Variants in IFT81 observed in about 807,000 individuals in gnomAD.
IFT81 encodes intraflagellar transport protein 81 homolog.
In IFT81, 72 loss-of-function variants were observed where a neutral mutation model predicts 102.6. That is an observed-to-expected ratio of 0.70 (90% confidence interval 0.58 to 0.85). IFT81 has a LOEUF of 0.85. Among genes scored for constraint, IFT81 ranks in the 40% least tolerant of loss-of-function variants. The pLI is 0.00. For missense variants in IFT81, 723 were observed against 787.3 expected, an observed-to-expected ratio of 0.92 and a Z score of 0.98; for synonymous variants, 237 against 242.7, an observed-to-expected ratio of 0.98 and a Z score of 0.22.
intron 11 of IFT81, among the ~76,000 whole-genome samples, chr12:110,175,874 T>C (rs907019245): frequency 2.0e-5 from 3 of 152,212 alleles, no homozygotes; most frequent in Non-Finnish European, 4.4e-5. Flanking sequence ...TTCTCTGGCA[T>C]TGAGAAATTT....
chr12:110,144,803 C>A (rs1346449629), intron 9 of IFT81, among the ~76,000 whole-genome samples: 2 of 150,898 alleles, frequency 1.3e-5, no homozygotes, highest in Non-Finnish European at 2.9e-5. Context: ...AGCCACTGTG[C>A]TTGGCCTGAT....
chr12:110,202,055 A>G (rs1898308962), intron 14 of IFT81, among the ~76,000 whole-genome samples: 1 of 152,250 alleles, frequency 6.6e-6, no homozygotes, highest in African/African-American at 2.4e-5. Context: ...GTTTATTATC[A>G]TCAAGTATTA....
intron 11 of IFT81, among the ~76,000 whole-genome samples, chr12:110,172,928 G>A (rs1200418978): frequency 5.1e-4 from 73 of 144,550 alleles, no homozygotes; most frequent in Middle Eastern, 7.4e-3. Flanking sequence ...CAGCCGCCCC[G>A]TCCGGGAGGG....
chr12:110,203,632 C>A, intron 14 of IFT81: 1 of 493,842 alleles, frequency 2.0e-6, no homozygotes, highest in South Asian at 2.1e-5. Flanking sequence ...TATTGTCTCC[C>A]CAGCTCCTAA....
intron 1 of IFT81, among the ~76,000 whole-genome samples, chr12:110,126,533 T>A (rs1399621058): frequency 6.6e-6 from 1 of 151,432 alleles, no homozygotes; most frequent in Middle Eastern, 3.2e-3. Flanking sequence ...AAAGGCAGAG[T>A]GATAGAAAAA....
chr12:110,201,016 G>T (rs1898239048), intron 14 of IFT81, among the ~76,000 whole-genome samples: 1 of 151,806 alleles, frequency 6.6e-6, no homozygotes, highest in African/African-American at 2.4e-5. Flanking sequence ...TGACTTTTTT[G>T]TAATAACAGC....
At chr12:110,134,862 T>G (rs529787913) in intron 5 of IFT81, 86 bp from the exon 6 acceptor site, 2 of 897,292 alleles carry the variant, frequency 2.2e-6, no homozygotes, top group Admixed American at 4.9e-5. Flanking sequence ...ATGAAAATGT[T>G]AGATGCATAA....
chr12:110,150,361 G>A (rs1420045356), intron 10 of IFT81, among the ~76,000 whole-genome samples: 1 of 152,088 alleles, frequency 6.6e-6, no homozygotes, highest in Non-Finnish European at 1.5e-5. Flanking sequence ...ACAGGTGTGA[G>A]CCACCGCACC....
Position 110,191,053 on chromosome 12 carries a change from T to A in IFT81, c.1467+5T>A. 1 of 1,592,608 alleles carries A rather than the reference T, an allele frequency of 6.3e-7. No individual in the cohort carries two copies. The highest frequency in any genetic ancestry group is 8.5e-7 in the Non-Finnish European group (1 of 1,173,416). On this transcript the variant is annotated splice_donor_5th_base_variant and intron_variant, in intron 13 of 18. Coordinates refer to ENST00000242591, the MANE Select transcript of IFT81 (RefSeq NM_014055.4). The stretch of plus-strand genomic sequence containing the variant: ...TTGGATGATATGTCTGAAATGGTGA[T>A]GATACTTTTATTTAAATTTTCTTTT...
intron 4 of IFT81, among the ~76,000 whole-genome samples, chr12:110,132,293 C>G (rs1454824530): frequency 1.3e-5 from 2 of 151,948 alleles, no homozygotes; most frequent in Non-Finnish European, 2.9e-5. Flanking sequence ...AACCCCGTCT[C>G]TACTAAAAAT....
At chr12:110,209,657 T>C (rs1869149454) in intron 18 of IFT81, among the ~76,000 whole-genome samples, 1 of 151,242 alleles carries the variant, frequency 6.6e-6, no homozygotes, top group Non-Finnish European at 1.5e-5. Context: ...TAATCCCAGC[T>C]ACTCTGGAGC....
chr12:110,139,394 G>A (rs1423462374), intron 8 of IFT81, among the ~76,000 whole-genome samples: 6 of 151,066 alleles, frequency 4.0e-5, no homozygotes, highest in South Asian at 2.1e-4. Flanking sequence ...CATGTATTTG[G>A]TATGGTTCAG....
intron 10 of IFT81, among the ~76,000 whole-genome samples, chr12:110,161,439 C>T (rs1191630522): frequency 3.3e-5 from 5 of 150,512 alleles, no homozygotes; most frequent in Admixed American, 2.7e-4. Flanking sequence ...TGAGCCACCA[C>T]GCCTGACCCA....
intron 18 of IFT81, among the ~76,000 whole-genome samples, chr12:110,210,177 A>G (rs1869222532): frequency 6.6e-6 from 1 of 152,206 alleles, no homozygotes; most frequent in Admixed American, 6.5e-5. Context: ...CTAATAATTC[A>G]GAGGAAAGAT....
chr12:110,129,883 T>C (rs912833877), intron 4 of IFT81, among the ~76,000 whole-genome samples: 5 of 152,222 alleles, frequency 3.3e-5, no homozygotes, highest in African/African-American at 1.2e-4. Context: ...TTCACACTTT[T>C]ATTCCATAGC....
intron 3 of IFT81, among the ~76,000 whole-genome samples, chr12:110,128,657 C>T (rs929848486): frequency 1.3e-5 from 2 of 151,434 alleles, no homozygotes; most frequent in Admixed American, 6.6e-5. Flanking sequence ...ATCAGCTGGG[C>T]ATGGTGGTTG....
At chr12:110,124,961 CTT>C (rs1313975818) in intron 1 of IFT81, 100 bp downstream of exon 1, 1 of 152,212 alleles carries the variant, frequency 6.6e-6, no homozygotes, top group Non-Finnish European at 1.5e-5. Context: ...CACAGACAGC[CTT>C]CCTGTTCAGT....
intron 10 of IFT81, among the ~76,000 whole-genome samples, chr12:110,148,010 A>G (rs1232266008): frequency 6.6e-6 from 1 of 152,124 alleles, no homozygotes; most frequent in African/African-American, 2.4e-5. Context: ...TCCATATAGG[A>G]TTCATATATT....
intron 11 of IFT81, among the ~76,000 whole-genome samples, chr12:110,172,745 AC>A (rs899270971): frequency 6.8e-6 from 1 of 146,444 alleles, no homozygotes; most frequent in Non-Finnish European, 1.5e-5. Flanking sequence ...TACAACCTCC[AC>A]CCCCCAGCCG....
Sources: allele counts gnomAD v4.1 joint callset (sites outside exome capture counted in the v4.1 genomes callset), GRCh38; gene constraint gnomAD v4.1.1; transcripts MANE v1.5; gene names NCBI Gene and HGNC (gene_info 2026-07-23, HGNC 2026-07-21).